Variants in TRPM3 observed in about 807,000 individuals in gnomAD.
The protein encoded by TRPM3 is long transient receptor potential channel 3.
A neutral mutation model predicts 181.2 loss-of-function variants in TRPM3; 77 were observed. The observed-to-expected ratio is 0.42, with a 90% CI of 0.35 to 0.51. The LOEUF is 0.51. TRPM3 is among the 20% of genes least tolerant of loss of function. The probability of loss-of-function intolerance (pLI) is 0.01; values close to 1 mark genes in which losing one functional copy is unlikely to be tolerated. For synonymous variants in TRPM3, 745 were observed against 796.4 expected (o/e 0.94, Z 1.09); for missense variants, 1,759 against 2,196.7 (o/e 0.80, Z 3.98).
At chr9:71,443,383 C>T (rs1294294165) in intron 1 of TRPM3, among the ~76,000 whole-genome samples, 3 of 151,736 alleles carry the variant, frequency 2.0e-5, no homozygotes, top group Non-Finnish European at 4.4e-5. Context: ...TTGTTAGACA[C>T]ACCCACTATT....
intron 25 of TRPM3, 70 bp downstream of exon 25, chr9:70,549,472 A>G: frequency 6.6e-7 from 1 of 1,526,596 alleles, no homozygotes; most frequent in Non-Finnish European, 8.8e-7. Context: ...TGACCGTGTG[A>G]ATAAATTCGA....
intron 1 of TRPM3, among the ~76,000 whole-genome samples, chr9:71,042,140 G>A (rs1590911048): frequency 1.3e-5 from 2 of 152,016 alleles, no homozygotes; most frequent in East Asian, 3.9e-4. Flanking sequence ...TTAGCAGCTG[G>A]CTTTGTCTGT....
chr9:71,327,831 G>A (rs1411071274), intron 1 of TRPM3, among the ~76,000 whole-genome samples: 3 of 152,074 alleles, frequency 2.0e-5, no homozygotes, highest in African/African-American at 7.2e-5. Context: ...TGTTTATCAG[G>A]ATACATTGAC....
intron 1 of TRPM3, among the ~76,000 whole-genome samples, chr9:71,079,883 T>A (rs1323700450): frequency 1.3e-5 from 2 of 152,160 alleles, no homozygotes; most frequent in Non-Finnish European, 2.9e-5. Flanking sequence ...TAAAGGAGAA[T>A]CTTTGAGCCA....
chr9:70,986,948 A>G (rs971197489), intron 1 of TRPM3, among the ~76,000 whole-genome samples: 2 of 151,776 alleles, frequency 1.3e-5, no homozygotes, highest in East Asian at 1.9e-4. Flanking sequence ...TATCTGTCCA[A>G]TATGGTAGCT....
At chr9:71,221,101 C>T (rs2080212785) in intron 1 of TRPM3, among the ~76,000 whole-genome samples, 1 of 152,164 alleles carries the variant, frequency 6.6e-6, no homozygotes, top group Admixed American at 6.5e-5. Context: ...CAACTAAAAC[C>T]ACCATGTCTG....
intron 1 of TRPM3, among the ~76,000 whole-genome samples, chr9:71,412,910 A>T (rs977636555): frequency 6.6e-6 from 1 of 152,232 alleles, no homozygotes; most frequent in Non-Finnish European, 1.5e-5. Context: ...ATGGAATACT[A>T]TGCAGCCATA....
intron 1 of TRPM3, among the ~76,000 whole-genome samples, chr9:70,941,215 A>G (rs1361630528): frequency 2.0e-5 from 3 of 152,184 alleles, no homozygotes; most frequent in Non-Finnish European, 4.4e-5. Flanking sequence ...GCACCACCTA[A>G]TCAACTACCA....
In TRPM3 at chr9:70,533,817, G is replaced by A. The variant is rs2041225236; in HGVS notation, c.*2136C>T. On this transcript the variant is annotated 3_prime_UTR_variant, in exon 26 of 26. Coordinates refer to ENST00000677713, the MANE Select transcript of TRPM3 (RefSeq NM_001366145.2). ...GCAATTCACCTAAATGCCAAGGAGT[G>A]AAAAAGGAATTGTTTAATTCTTTAC... The A allele has an allele frequency of 6.6e-6, 1 of 152,034 alleles. No individual in the cohort carries two copies. Among genetic ancestry groups the A allele is most frequent in the South Asian group, 2.1e-4 (1 of 4,818 alleles). 9.4% of individuals were successfully genotyped at this position (152,034 alleles called of 1,614,324 possible).
At chr9:71,137,450 G>C (rs2074837153) in intron 1 of TRPM3, among the ~76,000 whole-genome samples, 1 of 136,516 alleles carries the variant, frequency 7.3e-6, no homozygotes, top group Non-Finnish European at 1.7e-5. Flanking sequence ...ACAGTAACAA[G>C]AAAAAATGAG....
Position 70,757,303 on chromosome 9 carries a change from A to T in TRPM3, c.1272+4298T>A, listed in dbSNP as rs191257793. ...AACCAGGAAGAAGTCAAATCCCTGAATAGACCAAAAACAAGTTCTGAAATT... is the reference window on the plus strand; with the variant it reads ...AACCAGGAAGAAGTCAAATCCCTGATTAGACCAAAAACAAGTTCTGAAATT... On this transcript the variant is annotated intron_variant, in intron 8 of 25. Transcript: ENST00000677713. 5.3e-5 allele frequency among the ~76,000 whole-genome samples: 8 copies of T among 152,322 alleles called. No individual in the cohort carries two copies. The East Asian group carries it at 1.5e-3, about 29-fold the overall frequency.
rs528619222 is a variant in TRPM3 at position 71,073,248 on chromosome 9, GGGA to G, written c.177+47927_177+47929del. On this transcript the variant is annotated intron_variant, in intron 1 of 25. Transcript: ENST00000677713. ...TCAAGTCATAAAGATGAGAATGAAC[GGGA>G]GGAGGAGAGGTGAGACTTGGAAAAA... 9.7e-4 allele frequency among the ~76,000 whole-genome samples: 147 copies of G among 152,228 alleles called. 1 individual carries two copies. Among genetic ancestry groups the G allele is most frequent in the African/African-American group, 3.3e-3 (136 of 41,540 alleles).
chr9:70,894,530 T>G (rs1421482548), intron 1 of TRPM3, among the ~76,000 whole-genome samples: 1 of 152,190 alleles, frequency 6.6e-6, no homozygotes, highest in Non-Finnish European at 1.5e-5. Flanking sequence ...ACATGTTTCT[T>G]GAGCACCTAC....
At chr9:70,624,601 CTCCT>C (rs2064192427) in intron 14 of TRPM3, among the ~76,000 whole-genome samples, 1 of 152,166 alleles carries the variant, frequency 6.6e-6, no homozygotes, top group Non-Finnish European at 1.5e-5. Flanking sequence ...GGTTAAAATA[CTCCT>C]TCCTTTGATA....
Position 71,339,828 on chromosome 9 carries a change from A to T in TRPM3, c.183+106825T>A, listed in dbSNP as rs531563668. ...TATGAACTTTCCTGGTGAACACATG[A>T]CTATGCATTTGATAAAATTCAGAAC... On this transcript the variant is annotated intron_variant, in intron 1 of 24. Coordinates refer to the TRPM3 transcript ENST00000357533. Among the ~76,000 whole-genome samples the T allele has an allele frequency of 9.5e-4, 145 of 152,202 alleles. 1 individual carries two copies. The highest frequency in any genetic ancestry group is 6.0e-3 in the South Asian group (29 of 4,824).
At chr9:70,903,114 CA>C (rs1432402788) in intron 1 of TRPM3, among the ~76,000 whole-genome samples, 22 of 152,174 alleles carry the variant, frequency 1.4e-4, no homozygotes, top group African/African-American at 5.3e-4. Flanking sequence ...AAATCCAGCA[CA>C]AAAGAAAGAT....
At chr9:71,284,414 T>TAA (rs2085103994) in intron 1 of TRPM3, among the ~76,000 whole-genome samples, 1 of 152,198 alleles carries the variant, frequency 6.6e-6, no homozygotes, top group Non-Finnish European at 1.5e-5. Context: ...CATCCTTATA[T>TAA]GTGAAGAAAA....
chr9:71,413,254 T>A (rs569300850), intron 1 of TRPM3, among the ~76,000 whole-genome samples: 249 of 152,070 alleles, frequency 1.6e-3, no homozygotes, highest in African/African-American at 5.7e-3. Context: ...AACAAAAAAA[T>A]AAAATTAAAA....
upstream of TRPM3, among the ~76,000 whole-genome samples, chr9:71,124,846 A>G (rs1236023569): frequency 6.6e-6 from 1 of 152,226 alleles, no homozygotes; most frequent in Non-Finnish European, 1.5e-5. Flanking sequence ...CACAGTGACC[A>G]GGTAGTACAG....
Sources: allele counts gnomAD v4.1 joint callset (sites outside exome capture counted in the v4.1 genomes callset), GRCh38; gene constraint gnomAD v4.1.1; transcripts MANE v1.5; gene names NCBI Gene and HGNC (gene_info 2026-07-23, HGNC 2026-07-21).